NOS1AP: variants seen among roughly 807,000 people sequenced by gnomAD.
NOS1AP encodes nitric oxide synthase 1 adaptor protein.
Under a neutral mutation model 56.2 loss-of-function variants are expected in NOS1AP, and 21 were observed. The ratio of observed to expected loss-of-function variants is 0.37; its 90% CI spans 0.26 to 0.54. The LOEUF is 0.54. Ranked by LOEUF, NOS1AP falls within the 20% of genes least tolerant of loss-of-function variation. The pLI is 0.84. For missense variants in NOS1AP, 522 were observed against 657.8 expected (o/e 0.79, Z 2.26); for synonymous variants, 270 against 274.6 (o/e 0.98, Z 0.17).
intron 3 of NOS1AP, among the ~76,000 whole-genome samples, chr1:162,298,560 C>G (rs1237946019): frequency 6.6e-6 from 1 of 152,338 alleles, no homozygotes; most frequent in Admixed American, 6.5e-5. Flanking sequence ...ACTCCTTCCC[C>G]TATTTAGTGT....
intron 2 of NOS1AP, among the ~76,000 whole-genome samples, chr1:162,189,899 C>T (rs1239611418): frequency 1.3e-5 from 2 of 152,084 alleles, no homozygotes; most frequent in African/African-American, 2.4e-5. Context: ...GAGGGATCAG[C>T]AGGTACAAGA....
intron 8 of NOS1AP, chr1:162,360,946 G>A (rs775768796): frequency 5.9e-5 from 27 of 456,662 alleles, no homozygotes; most frequent in South Asian, 3.1e-4. Flanking sequence ...GGAGAGTGAG[G>A]GCGCCAATGG....
intron 1 of NOS1AP, among the ~76,000 whole-genome samples, chr1:162,109,377 T>C (rs1571017841): frequency 6.6e-6 from 1 of 152,196 alleles, no homozygotes; most frequent in Non-Finnish European, 1.5e-5. Flanking sequence ...TGAGATAGCG[T>C]TGTGGCAATT....
At chr1:162,109,035 T>C (rs1647616710) in intron 1 of NOS1AP, among the ~76,000 whole-genome samples, 1 of 152,224 alleles carries the variant, frequency 6.6e-6, no homozygotes, top group African/African-American at 2.4e-5. Flanking sequence ...TCTTCTATGG[T>C]GGCAGGCAAG....
intron 2 of NOS1AP, among the ~76,000 whole-genome samples, chr1:162,179,941 G>A (rs752335578): frequency 6.6e-6 from 1 of 152,208 alleles, no homozygotes; most frequent in South Asian, 2.1e-4. Flanking sequence ...AGAAAAGGCC[G>A]GACACCATTT....
intron 1 of NOS1AP, among the ~76,000 whole-genome samples, chr1:162,088,358 A>C (rs2102020555): frequency 6.6e-6 from 1 of 152,232 alleles, no homozygotes; most frequent in Non-Finnish European, 1.5e-5. Context: ...AGGGATTCTT[A>C]TTTCATATGT....
intron 1 of NOS1AP, among the ~76,000 whole-genome samples, chr1:162,086,312 C>T (rs1459861734): frequency 6.6e-6 from 1 of 152,118 alleles, no homozygotes; most frequent in Non-Finnish European, 1.5e-5. Context: ...TCCTGTACTG[C>T]AGGCACGAGG....
chr1:162,079,187 C>T lies in NOS1AP; in HGVS notation c.105+8905C>T, dbSNP rs184369433. Among the ~76,000 whole-genome samples, 17 of 152,252 alleles carry T rather than the reference C, an allele frequency of 1.1e-4. No homozygotes were observed. The East Asian group carries it at 2.3e-3, about 21-fold the overall frequency. ...CCTCTTTCTGATACCCCCAATCTCA[C>T]ACAGTGCTGATTCCTTCCAATGAAA... On this transcript the variant is annotated intron_variant, in intron 1 of 9. Coordinates refer to ENST00000361897, the MANE Select transcript of NOS1AP (RefSeq NM_014697.3).
chr1:162,293,059 A>G (rs1015356541), intron 3 of NOS1AP, among the ~76,000 whole-genome samples: 3 of 152,162 alleles, frequency 2.0e-5, no homozygotes, highest in Non-Finnish European at 4.4e-5. Flanking sequence ...AAACAGGCCT[A>G]TTAGGAATTG....
intron 1 of NOS1AP, among the ~76,000 whole-genome samples, chr1:162,072,506 G>A (rs1004023768): frequency 6.6e-6 from 1 of 152,194 alleles, no homozygotes; most frequent in African/African-American, 2.4e-5. Context: ...GCCGCAGTTG[G>A]TTCAAGCTGT....
chr1:162,275,717 C>A (rs1475039171), intron 2 of NOS1AP, among the ~76,000 whole-genome samples: 1 of 152,168 alleles, frequency 6.6e-6, no homozygotes, highest in Non-Finnish European at 1.5e-5. Context: ...CCATTTTCAT[C>A]CTCGTTTCTG....
At chr1:162,238,366 G>C (rs1392583888) in intron 2 of NOS1AP, among the ~76,000 whole-genome samples, 1 of 152,084 alleles carries the variant, frequency 6.6e-6, no homozygotes, top group Non-Finnish European at 1.5e-5. Context: ...AGTCTACAGG[G>C]GAAGGGTTAG....
intron 5 of NOS1AP, among the ~76,000 whole-genome samples, chr1:162,342,005 C>T (rs1657123073): frequency 6.6e-6 from 1 of 152,144 alleles, no homozygotes; most frequent in African/African-American, 2.4e-5. Context: ...TCTCAACTTC[C>T]TGTGCAGATA....
chr1:162,174,527 T>C (rs1202951782), intron 2 of NOS1AP, among the ~76,000 whole-genome samples: 1 of 152,140 alleles, frequency 6.6e-6, no homozygotes, highest in Non-Finnish European at 1.5e-5. Flanking sequence ...ACCTGCACGT[T>C]GTGCACATGT....
chr1:162,321,647 A>C (rs533238910), intron 4 of NOS1AP, among the ~76,000 whole-genome samples: 138 of 151,758 alleles, frequency 9.1e-4, no homozygotes, highest in African/African-American at 3.3e-3. Context: ...GCAGCACACC[A>C]ACATGGCACA....
chr1:162,144,142 G>A (rs1191032394), intron 1 of NOS1AP, among the ~76,000 whole-genome samples: 1 of 152,222 alleles, frequency 6.6e-6, no homozygotes, highest in Admixed American at 6.5e-5. Context: ...TCACTGATGT[G>A]TTTTTGACCT....
chr1:162,093,947 T>C (rs1692185529), intron 1 of NOS1AP, among the ~76,000 whole-genome samples: 1 of 152,248 alleles, frequency 6.6e-6, no homozygotes, highest in South Asian at 2.1e-4. Flanking sequence ...CTAGGACTTA[T>C]GTTTCTAATG....
At chr1:162,184,371 G>A (rs1051010367) in intron 2 of NOS1AP, among the ~76,000 whole-genome samples, 2 of 152,182 alleles carry the variant, frequency 1.3e-5, no homozygotes, top group Non-Finnish European at 2.9e-5. Flanking sequence ...AACAAAATGT[G>A]ACAGATATGA....
At chr1:162,219,663 A>T (rs780215674) in intron 2 of NOS1AP, among the ~76,000 whole-genome samples, 11 of 152,218 alleles carry the variant, frequency 7.2e-5, no homozygotes, top group Non-Finnish European at 1.0e-4. Flanking sequence ...TGTTGCCCCC[A>T]CCAGGGTTCT....
Sources: gnomAD v4.1 joint callset for allele counts (sites outside exome capture counted in the v4.1 genomes callset) on GRCh38, gnomAD v4.1.1 for gene constraint, MANE v1.5 for transcripts, NCBI Gene and HGNC (gene_info 2026-07-23, HGNC 2026-07-21) for gene names.